ZBTB7C: variants seen among roughly 807,000 people sequenced by gnomAD.
The protein encoded by ZBTB7C is zinc finger and BTB domain-containing protein 7C.
ZBTB7C carries 8 observed loss-of-function variants against 25.7 expected under a neutral mutation model. The ratio of observed to expected loss-of-function variants is 0.31; its 90% CI spans 0.18 to 0.56. ZBTB7C has a LOEUF of 0.56. Ranked by LOEUF, ZBTB7C falls within the 20% of genes least tolerant of loss-of-function variation. ZBTB7C has a pLI of 0.91. For missense variants in ZBTB7C, 824 were observed against 855.2 expected (o/e 0.96, Z 0.46); for synonymous variants, 394 against 369.0 (o/e 1.07, Z -0.78).
intron 3 of ZBTB7C, chr18:48,148,357 AC>A (rs2144872840): frequency 6.6e-6 from 1 of 152,296 alleles, no homozygotes; most frequent in Admixed American, 6.5e-5. Context: ...ATTTATTCAC[AC>A]AAGTTCAATA....
intron 4 of ZBTB7C, among the ~76,000 whole-genome samples, chr18:48,032,214 A>T (rs2035782837): frequency 6.6e-6 from 1 of 150,904 alleles, no homozygotes; most frequent in Non-Finnish European, 1.5e-5. Context: ...CCCAGGTTCA[A>T]GTGATTCTCC....
intron 3 of ZBTB7C, among the ~76,000 whole-genome samples, chr18:48,141,944 A>G (rs560774799): frequency 6.6e-6 from 1 of 152,342 alleles, no homozygotes; most frequent in African/African-American, 2.4e-5. Flanking sequence ...ATCAGATTTT[A>G]TTGAAATGTA....
In ZBTB7C at chr18:48,327,652, C is replaced by T. The variant is rs186788019; in HGVS notation, c.-79+10522G>A. Among the ~76,000 whole-genome samples the T allele has an allele frequency of 4.1e-4, 63 of 152,214 alleles. No homozygotes were observed. The East Asian group carries it at 9.3e-3, about 23-fold the overall frequency. The stretch of plus-strand genomic sequence containing the variant: ...TAAGCCACAGTACTTGGAGAAGAAT[C>T]GCTGGAGATGAGAGAGGGCAGGGCC... On this transcript the variant is annotated intron_variant, in intron 2 of 4. Transcript: ENST00000590800.
At position 48,029,376 on chromosome 18, in the gene ZBTB7C, C is replaced by T. The variant is rs201399913; in HGVS notation, c.1744G>A (p.Val582Met). Residue 582 changes from valine to methionine, a missense_variant, in exon 5 of 5, where the codon GTG (valine) becomes ATG (methionine). Around this residue, in one of 4 missense-constraint regions of ZBTB7C, gnomAD observed 342 missense variants for 307.0 expected, o/e 1.11. Coordinates refer to ENST00000590800, the MANE Select transcript of ZBTB7C (RefSeq NM_001318841.2). ...GGGAAGTAGGGCCGCGCCGCCGCCA[C>T]GTTCTCGGCCAGCGCGAAGGCCAGG... ...GLLAFALAEN[V>M]AAARPYFPLP... 4.0e-4 allele frequency: 618 copies of T among 1,554,298 alleles called. 4 individuals are homozygous for T. The African/African-American group carries it at 7.4e-3, about 19-fold the overall frequency.
chr18:48,111,171 C>T (rs2039224896), intron 3 of ZBTB7C, among the ~76,000 whole-genome samples: 1 of 152,134 alleles, frequency 6.6e-6, no homozygotes, highest in African/African-American at 2.4e-5. Flanking sequence ...GGGTGTGTCA[C>T]CTCCACCTCC....
chr18:48,173,718 C>T (rs2041573419), intron 3 of ZBTB7C, among the ~76,000 whole-genome samples: 1 of 152,270 alleles, frequency 6.6e-6, no homozygotes, highest in South Asian at 2.1e-4. Flanking sequence ...GAGTGCCTCA[C>T]TTGCCTCATC....
At chr18:48,377,546 C>G (rs941781341) in intron 1 of ZBTB7C, among the ~76,000 whole-genome samples, 3 of 152,208 alleles carry the variant, frequency 2.0e-5, no homozygotes, top group Non-Finnish European at 4.4e-5. Flanking sequence ...TGGGCCCAAC[C>G]AGAACAGAAG....
At chr18:48,389,273 G>A (rs914258610) in intron 1 of ZBTB7C, among the ~76,000 whole-genome samples, 2 of 137,136 alleles carry the variant, frequency 1.5e-5, no homozygotes, top group Non-Finnish European at 3.1e-5. Context: ...GTGTGTGTGT[G>A]TGTGTTGGGC....
intron 2 of ZBTB7C, among the ~76,000 whole-genome samples, chr18:48,274,019 T>C (rs2044569403): frequency 6.6e-6 from 1 of 152,238 alleles, no homozygotes; most frequent in East Asian, 1.9e-4. Flanking sequence ...ATGGTAATTT[T>C]GGTAAAGTTC....
intron 1 of ZBTB7C, among the ~76,000 whole-genome samples, chr18:48,393,805 G>A (rs568261636): frequency 6.6e-6 from 1 of 152,284 alleles, no homozygotes; most frequent in East Asian, 1.9e-4. Context: ...TGCTGCTTCA[G>A]TCACTGGAAA....
chr18:48,029,442 C>A lies in ZBTB7C; in HGVS notation c.1678G>T (p.Gly560Trp). ...CTCTCAGCCTCCAGCTGCGCGCGCC[C>A]GAACAGCTTCATCTGTGTCTCCTCG... The part of the protein sequence containing the change: ...QFEETQMKLF[G>W]RAQLEAERNA... Residue 560 changes from glycine (G) to tryptophan (W), a missense_variant, in exon 5 of 5, where the codon GGG becomes TGG. By Grantham distance (184) the Gly-to-Trp change is radical (BLOSUM62 -2). Coordinates refer to ENST00000590800, the MANE Select transcript of ZBTB7C (RefSeq NM_001318841.2). 6.3e-7 allele frequency: 1 copy of A among 1,594,586 alleles called. No homozygotes were observed.
chr18:48,257,664 A>C (rs960747513), intron 2 of ZBTB7C, among the ~76,000 whole-genome samples: 6 of 152,200 alleles, frequency 3.9e-5, no homozygotes, highest in African/African-American at 1.4e-4. Flanking sequence ...ATGAAATTTC[A>C]GCAAATAGAA....
At chr18:48,374,888 A>T (rs61506912) in intron 1 of ZBTB7C, among the ~76,000 whole-genome samples, 1 of 151,952 alleles carries the variant, frequency 6.6e-6, no homozygotes, top group African/African-American at 2.4e-5. Flanking sequence ...ACCCCGGCAG[A>T]CAGCCGGCAG....
intron 2 of ZBTB7C, among the ~76,000 whole-genome samples, chr18:48,303,601 G>A (rs1014697608): frequency 3.3e-5 from 5 of 152,184 alleles, no homozygotes; most frequent in Admixed American, 6.5e-5. Context: ...GAAGACATCC[G>A]AGAAAAGCTT....
upstream of ZBTB7C, among the ~76,000 whole-genome samples, chr18:48,410,254 G>A (rs1277871786): frequency 2.0e-5 from 3 of 151,934 alleles, no homozygotes; most frequent in Admixed American, 6.5e-5. Flanking sequence ...GAATCTCAGC[G>A]GGCAATCGCG....
rs147302213 is a variant in ZBTB7C, at chr18:48,394,634, G to A, written c.-304+14592C>T. 1.1e-3 allele frequency among the ~76,000 whole-genome samples: 168 copies of A among 152,312 alleles called. 1 individual carries two copies. The highest frequency in any genetic ancestry group is 3.4e-3 in the Middle Eastern group (1 of 294). On this transcript the variant is annotated intron_variant, in intron 1 of 4. Transcript: ENST00000590800. ...CTATTAAATCTTTGCTTAGAAGTAGGGTAACGTCAGGGGTTTGTGTGTGTC... is the reference window on the plus strand; with the variant it reads ...CTATTAAATCTTTGCTTAGAAGTAGAGTAACGTCAGGGGTTTGTGTGTGTC...
chr18:48,042,784 T>C (rs1274033773), intron 3 of ZBTB7C, among the ~76,000 whole-genome samples: 2 of 152,218 alleles, frequency 1.3e-5, no homozygotes, highest in South Asian at 2.1e-4. Flanking sequence ...TGGCAGTCCA[T>C]GCATTCATTC....
intron 3 of ZBTB7C, among the ~76,000 whole-genome samples, chr18:48,083,420 C>A (rs912712637): frequency 2.0e-5 from 3 of 152,122 alleles, no homozygotes; most frequent in African/African-American, 7.2e-5. Flanking sequence ...TTTAGCCCCT[C>A]GTCCCCTGCC....
intron 3 of ZBTB7C, among the ~76,000 whole-genome samples, chr18:48,049,684 A>G (rs1285083425): frequency 1.3e-5 from 2 of 152,168 alleles, no homozygotes; most frequent in Non-Finnish European, 2.9e-5. Flanking sequence ...GTAATCAGAG[A>G]GGCTAAGTGA....
Sources: allele counts gnomAD v4.1 joint callset (sites outside exome capture counted in the v4.1 genomes callset), GRCh38; gene constraint gnomAD v4.1.1; regional missense constraint gnomAD v4.1.1; transcripts MANE v1.5; gene names NCBI Gene and HGNC (gene_info 2026-07-23, HGNC 2026-07-21).